The following GAB2 variants were observed in gnomAD, a reference collection of about 807,000 sequenced individuals.
The protein encoded by GAB2 is GRB2-associated-binding protein 2.
Under a neutral mutation model 65.5 loss-of-function variants are expected in GAB2, and 26 were observed. The ratio of observed to expected loss-of-function variants is 0.40; its 90% confidence interval spans 0.29 to 0.55. GAB2 has a LOEUF of 0.55. Among genes scored for constraint, GAB2 ranks in the 20% least tolerant of loss-of-function variants. GAB2 has a pLI of 0.53. For synonymous variants in GAB2, 321 were observed against 329.6 expected, an observed-to-expected ratio of 0.97 and a Z score of 0.28; for missense variants, 884 against 875.8, an observed-to-expected ratio of 1.01 and a Z score of -0.12.
chr11:78,317,452 C>T (rs138536063), intron 1 of GAB2, among the ~76,000 whole-genome samples: 2 of 147,574 alleles, frequency 1.4e-5, no homozygotes, highest in Non-Finnish European at 3.0e-5. Flanking sequence ...CCCAGCCACT[C>T]GGGAGGCTGA....
intron 2 of GAB2, among the ~76,000 whole-genome samples, chr11:78,254,813 GA>G (rs1374651236): frequency 6.8e-6 from 1 of 147,640 alleles, no homozygotes; most frequent in Non-Finnish European, 1.5e-5. Flanking sequence ...AAAGAAAAAA[GA>G]AAAAAGAAAA....
At chr11:78,234,389 T>C (rs1306616452) in intron 3 of GAB2, among the ~76,000 whole-genome samples, 3 of 152,088 alleles carry the variant, frequency 2.0e-5, no homozygotes, top group African/African-American at 7.2e-5. Context: ...AGCCTAGAAG[T>C]TTCGTAGTAT....
At chr11:78,295,040 C>T (rs752625295) in intron 1 of GAB2, among the ~76,000 whole-genome samples, 3 of 151,962 alleles carry the variant, frequency 2.0e-5, no homozygotes, top group Admixed American at 6.6e-5. Context: ...AACAAATTTA[C>T]AAGAAAAAAA....
At chr11:78,352,357 T>C (rs1212766738) in intron 1 of GAB2, among the ~76,000 whole-genome samples, 2 of 152,194 alleles carry the variant, frequency 1.3e-5, no homozygotes, top group East Asian at 1.9e-4. Flanking sequence ...CCCCGTTACA[T>C]GCAGGATGAC....
chr11:78,254,275 T>C (rs2511169), intron 2 of GAB2, among the ~76,000 whole-genome samples: 43,350 of 152,126 alleles, frequency 0.28, 7,800 homozygotes, highest in African/African-American at 0.5. Flanking sequence ...AGCCATGGTA[T>C]GTATTCAATA....
intron 2 of GAB2, among the ~76,000 whole-genome samples, chr11:78,267,777 G>C (rs1865906280): frequency 6.9e-6 from 1 of 144,110 alleles, no homozygotes; most frequent in African/African-American, 2.6e-5. Context: ...AGAATGGCAT[G>C]AACCTGGGAG....
intron 1 of GAB2, among the ~76,000 whole-genome samples, chr11:78,391,461 C>A (rs1034845740): frequency 2.0e-5 from 3 of 152,124 alleles, no homozygotes; most frequent in Non-Finnish European, 4.4e-5. Context: ...ACTTCTAAGG[C>A]TAGGTCACTA....
chr11:78,226,945 C>G lies in GAB2; in HGVS notation c.727G>C (p.Gly243Arg). The change falls in exon 4 of 10, where the codon GGT becomes CGT. Residue 243 changes from glycine to arginine, a missense_variant. Physicochemically the swap from Gly to Arg is moderately radical, Grantham distance 125 (BLOSUM62 -2). Transcript: ENST00000361507. The part of the protein sequence containing the change: ...GNGHCVNGIS[G>R]QVHGFYSLPK... ...AGGCTATAGAAGCCATGGACTTGAC[C>G]ACTGATCCCGTTGACACAGTGTCCA... The G allele has an allele frequency of 1.2e-6, 2 of 1,613,732 alleles. No individual in the cohort carries two copies. The highest frequency in any genetic ancestry group is 1.7e-6 in the Non-Finnish European group (2 of 1,179,766).
intron 1 of GAB2, among the ~76,000 whole-genome samples, chr11:78,309,926 A>ATTGTG (rs1163936315): frequency 1.4e-4 from 19 of 135,704 alleles, no homozygotes; most frequent in African/African-American, 5.7e-4. Context: ...AGGGTTAGAA[A>ATTGTG]TGTGTGTGTG....
chr11:78,247,761 C>T (rs1865337852), intron 3 of GAB2, among the ~76,000 whole-genome samples: 1 of 152,188 alleles, frequency 6.6e-6, no homozygotes, highest in Non-Finnish European at 1.5e-5. Context: ...ATGATGCGAG[C>T]AACTCCACTA....
At chr11:78,394,769 C>T (rs1419442946) in intron 1 of GAB2, among the ~76,000 whole-genome samples, 4 of 152,156 alleles carry the variant, frequency 2.6e-5, no homozygotes, top group Non-Finnish European at 5.9e-5. Context: ...AAAACGGCTG[C>T]CCAATAAGCA....
intron 1 of GAB2, among the ~76,000 whole-genome samples, chr11:78,314,842 C>T (rs562392652): frequency 1.3e-5 from 2 of 152,270 alleles, no homozygotes; most frequent in East Asian, 1.9e-4. Context: ...GCTACTGGGA[C>T]GCAGAGGTGA....
At chr11:78,291,123 G>A (rs2134605132) in intron 1 of GAB2, among the ~76,000 whole-genome samples, 1 of 152,096 alleles carries the variant, frequency 6.6e-6, no homozygotes, top group Non-Finnish European at 1.5e-5. Context: ...AACAAAGGGT[G>A]GGAAGGTTGG....
chr11:78,245,372 T>A (rs1236586613), intron 3 of GAB2, among the ~76,000 whole-genome samples: 1 of 152,084 alleles, frequency 6.6e-6, no homozygotes, highest in Admixed American at 6.6e-5. Flanking sequence ...TAATAAAAAT[T>A]AAAATAACTG....
intron 1 of GAB2, among the ~76,000 whole-genome samples, chr11:78,407,658 T>TGGCAGA (rs1857065183): frequency 6.0e-5 from 7 of 117,230 alleles, no homozygotes; most frequent in Middle Eastern, 4.3e-3. Flanking sequence ...AGAAAGAAAG[T>TGGCAGA]AAGAAAGAAA....
intron 2 of GAB2, among the ~76,000 whole-genome samples, chr11:78,251,166 G>T (rs1418438217): frequency 6.6e-6 from 1 of 152,042 alleles, no homozygotes; most frequent in Non-Finnish European, 1.5e-5. Flanking sequence ...AAAAGCTAAG[G>T]CTGGCTTTGT....
intron 3 of GAB2, among the ~76,000 whole-genome samples, chr11:78,244,664 A>AT (rs372613820): frequency 4.6e-4 from 1 of 2,156 alleles, no homozygotes. Context: ...CATTCATAGT[A>AT]AAAAAAAAAA....
chr11:78,328,459 TAAA>T (rs1174329970), intron 1 of GAB2, among the ~76,000 whole-genome samples: 1 of 152,102 alleles, frequency 6.6e-6, no homozygotes, highest in Non-Finnish European at 1.5e-5. Flanking sequence ...AAAAGTCTAT[TAAA>T]AATGACATTA....
rs777688031 is a variant in GAB2 at position 78,250,191 on chromosome 11, G to C, written c.586C>G (p.His196Asp). The C allele has an allele frequency of 6.8e-6, 11 of 1,613,278 alleles. No homozygotes were observed. Among genetic ancestry groups the C allele is most frequent in the Non-Finnish European group, 9.3e-6 (11 of 1,179,920 alleles). Reference protein sequence around the residue: ...TSAPQEYLYLHQCISRRAENA... With the variant: ...TSAPQEYLYLDQCISRRAENA... ...TCTGCTCTTCGGCTTATGCACTGGT[G>C]CAAGTAGAGATACTCCTGAGGTGCG... is the stretch of plus-strand genomic sequence containing the variant. Residue 196 changes from histidine (H) to aspartate (D), a missense_variant, in exon 3 of 10, where the codon CAC (histidine) becomes GAC (aspartate). Physicochemically the swap from His to Asp is moderately conservative, Grantham distance 81. Transcript: ENST00000361507.
Sources: gnomAD v4.1 joint callset for allele counts (sites outside exome capture counted in the v4.1 genomes callset) on GRCh38, gnomAD v4.1.1 for gene constraint, MANE v1.5 for transcripts, NCBI Gene and HGNC (gene_info 2026-07-23, HGNC 2026-07-21) for gene names.